The following TEAD1 variants were observed in gnomAD, a reference collection of about 807,000 sequenced individuals.
TEAD1 encodes the protein transcriptional enhancer factor TEF-1.
TEAD1 carries 9 observed loss-of-function variants against 54.9 expected under a neutral mutation model. The ratio of observed to expected loss-of-function variants is 0.16; its 90% CI spans 0.10 to 0.29. TEAD1 has a LOEUF of 0.29. TEAD1 is among the 10% of genes least tolerant of loss of function. The pLI is 1.00. For synonymous variants in TEAD1, 200 were observed against 187.8 expected, an observed-to-expected ratio of 1.07 and a Z score of -0.53; for missense variants, 387 against 535.9, an observed-to-expected ratio of 0.72 and a Z score of 2.74.
At position 12,883,244 on chromosome 11, in the gene TEAD1, T is replaced by C. The variant is rs757802332; in HGVS notation, c.699+119T>C. The C allele has an allele frequency of 3.3e-6, 5 of 1,495,110 alleles. No individual in the cohort carries two copies. The Admixed American group carries it at 6.7e-5, about 20-fold the overall frequency. 92.6% of individuals were successfully genotyped at this position (1,495,110 alleles called of 1,614,324 possible). A position where few individuals can be genotyped will look rare whatever the true frequency, so the allele number is the denominator to read the frequency against. ...CCCCATGCCTGACAAATATCCTGTG[T>C]GAAAACGGGCCTAGGAAAGAATAGC... On this transcript the variant is annotated intron_variant, in intron 9 of 12. Coordinates refer to ENST00000527636, the MANE Select transcript of TEAD1 (RefSeq NM_021961.6).
At position 12,937,128 on chromosome 11, in the gene TEAD1, C is replaced by T. The variant is rs771232356; in HGVS notation, c.1187C>T (p.Thr396Ile). The T allele has an allele frequency of 6.2e-7, 1 of 1,613,520 alleles. No individual in the cohort carries two copies. The highest frequency in any genetic ancestry group is 8.5e-7 in the Non-Finnish European group (1 of 1,179,750). ...TAACAGGTGGTAACAAACAGGGATA[C>T]ACAAGAAACTCTACTCTGCATGGCC... The change falls in exon 13 of 13, where the codon ACA (threonine) becomes ATA (isoleucine). Residue 396 changes from threonine (T) to isoleucine (I), a missense_variant. Transcript: ENST00000527636.
chr11:12,844,045 G>C (rs1947091910), intron 3 of TEAD1, among the ~76,000 whole-genome samples: 1 of 152,050 alleles, frequency 6.6e-6, no homozygotes, highest in South Asian at 2.1e-4. Context: ...ATTTTCTTTG[G>C]AGATTCTTTT....
intron 2 of TEAD1, among the ~76,000 whole-genome samples, chr11:12,725,265 G>A (rs1417079545): frequency 6.6e-6 from 1 of 152,108 alleles, no homozygotes; most frequent in Non-Finnish European, 1.5e-5. Context: ...AAAGGTAGTG[G>A]GGACAAAACC....
In TEAD1 at chr11:12,924,960, G is replaced by A. The variant is rs777579325; in HGVS notation, c.922G>A (p.Val308Ile). The A allele has an allele frequency of 1.9e-6, 3 of 1,614,156 alleles. No homozygotes were observed. The highest frequency in any genetic ancestry group is 2.5e-6 in the Non-Finnish European group (3 of 1,180,022). The change falls in exon 11 of 13, where the codon GTA becomes ATA. Residue 308 changes from valine to isoleucine, a missense_variant. Around this residue, in one of 5 missense-constraint regions of TEAD1, gnomAD observed 123 missense variants for 199.0 expected, o/e 0.62. Coordinates refer to ENST00000527636, the MANE Select transcript of TEAD1 (RefSeq NM_021961.6). ...AGATGATGCTGGGGCTTTTTATGGT[G>A]TAACCAGTCAGTACGAGAGTTCTGA...
At chr11:12,920,186 G>T (rs1425887131) in intron 10 of TEAD1, among the ~76,000 whole-genome samples, 1 of 152,184 alleles carries the variant, frequency 6.6e-6, no homozygotes, top group Non-Finnish European at 1.5e-5. Context: ...AAATGCGTCA[G>T]ATCTGCTAGG....
intron 3 of TEAD1, among the ~76,000 whole-genome samples, chr11:12,780,840 T>C (rs913868429): frequency 3.3e-5 from 5 of 152,206 alleles, no homozygotes; most frequent in Non-Finnish European, 5.9e-5. Context: ...ATGACTTCTT[T>C]GACAAGTTGA....
intron 2 of TEAD1, among the ~76,000 whole-genome samples, chr11:12,682,740 G>A (rs1943248315): frequency 6.6e-6 from 1 of 152,154 alleles, no homozygotes; most frequent in Non-Finnish European, 1.5e-5. Context: ...TTAGGAAAAG[G>A]TGGCTAATGA....
chr11:12,759,214 G>T (rs1365913361), intron 2 of TEAD1, among the ~76,000 whole-genome samples: 1 of 152,140 alleles, frequency 6.6e-6, no homozygotes, highest in Non-Finnish European at 1.5e-5. Context: ...AAATTCCTGT[G>T]TCCTATCTCA....
intron 11 of TEAD1, among the ~76,000 whole-genome samples, chr11:12,929,796 C>A (rs937153147): frequency 1.8e-4 from 27 of 152,108 alleles, no homozygotes; most frequent in Admixed American, 2.6e-4. Context: ...ACCTATGAGG[C>A]TTTATCACAA....
chr11:12,682,861 C>T (rs1943251751), intron 2 of TEAD1, among the ~76,000 whole-genome samples: 3 of 152,156 alleles, frequency 2.0e-5, no homozygotes, highest in Non-Finnish European at 2.9e-5. Context: ...TATGGTATTT[C>T]GTGAGTTCCA....
chr11:12,797,462 C>T (rs553216615), intron 3 of TEAD1, among the ~76,000 whole-genome samples: 5 of 152,236 alleles, frequency 3.3e-5, no homozygotes, highest in South Asian at 2.1e-4. Context: ...GACTTCTTGA[C>T]GTTTGTGCTT....
chr11:12,812,743 C>A (rs1172128151), intron 3 of TEAD1, among the ~76,000 whole-genome samples: 1 of 152,190 alleles, frequency 6.6e-6, no homozygotes, highest in Non-Finnish European at 1.5e-5. Flanking sequence ...AGAATCAGGC[C>A]ATGCATCTTC....
intron 5 of TEAD1, among the ~76,000 whole-genome samples, chr11:12,870,624 G>A (rs900908528): frequency 3.9e-5 from 6 of 152,186 alleles, no homozygotes; most frequent in Non-Finnish European, 8.8e-5. Context: ...GGTGGCTCAC[G>A]CCTGTAATCC....
chr11:12,719,162 C>CCGCTG (rs1037112236), intron 2 of TEAD1, among the ~76,000 whole-genome samples: 6 of 152,114 alleles, frequency 3.9e-5, no homozygotes, highest in African/African-American at 1.4e-4. Flanking sequence ...GCCCCCTCCT[C>CCGCTG]CGCAGCCTGT....
chr11:12,897,295 T>C (rs1042627689), intron 9 of TEAD1, among the ~76,000 whole-genome samples: 2 of 152,212 alleles, frequency 1.3e-5, no homozygotes, highest in Non-Finnish European at 2.9e-5. Flanking sequence ...ATAATCCACC[T>C]TGGCCCACTT....
rs34564715 is a variant in TEAD1 at position 12,783,098 on chromosome 11, T to TTGTGTGTG, written c.202+18693_202+18700dup. Among the ~76,000 whole-genome samples, 1,380 of 139,330 alleles carry TTGTGTGTG rather than the reference T, an allele frequency of 9.9e-3. 26 individuals carry two copies. The highest frequency in any genetic ancestry group is 0.031 in the African/African-American group (1,154 of 36,822). 91.4% of individuals were successfully genotyped at this position (139,330 alleles called of 152,430 possible). A position where few individuals can be genotyped will look rare whatever the true frequency, so the allele number is the denominator to read the frequency against. Reference sequence around the variant, plus strand: ...AGAAGTCACTAAACCAGGTAAGGGTTTGTGTGTGTGTGTGTGTGTGTGTGT... The same window carrying TTGTGTGTG: ...AGAAGTCACTAAACCAGGTAAGGGTTTGTGTGTGTGTGTGTGTGTGTGTGTGTGTGTGT... On this transcript the variant is annotated intron_variant, in intron 3 of 12. Coordinates refer to ENST00000527636, the MANE Select transcript of TEAD1 (RefSeq NM_021961.6).
intron 11 of TEAD1, among the ~76,000 whole-genome samples, chr11:12,927,434 A>ATTTGATTACAGTGGC (rs1176284187): frequency 1.3e-5 from 2 of 152,106 alleles, no homozygotes; most frequent in Admixed American, 1.3e-4. Flanking sequence ...TACCATGTGG[A>ATTTGATTACAGTGGC]TTTGATTACA....
At position 12,879,173 on chromosome 11, in the gene TEAD1, A is replaced by T. The variant is rs558962382; in HGVS notation, c.331-535A>T. ...ACCCCCGCTGCTTCTGAGCCTCTCC[A>T]GCCAGGTGTCTGCAGGGCTTCCAGG... is the stretch of plus-strand genomic sequence containing the variant. On this transcript the variant is annotated intron_variant, in intron 5 of 12. Coordinates refer to ENST00000527636, the MANE Select transcript of TEAD1 (RefSeq NM_021961.6). Among the ~76,000 whole-genome samples the T allele has an allele frequency of 4.6e-5, 7 of 152,224 alleles. No individual in the cohort carries two copies. In the East Asian group the frequency reaches 1.4e-3, roughly 29 times the overall value.
intron 3 of TEAD1, among the ~76,000 whole-genome samples, chr11:12,783,883 G>A (rs1260100697): frequency 1.3e-5 from 2 of 152,116 alleles, no homozygotes; most frequent in African/African-American, 2.4e-5. Flanking sequence ...AAGGATGTTC[G>A]AACAGTAAGA....
Sources: allele counts gnomAD v4.1 joint callset (sites outside exome capture counted in the v4.1 genomes callset), GRCh38; gene constraint gnomAD v4.1.1; regional missense constraint gnomAD v4.1.1; transcripts MANE v1.5; gene names NCBI Gene and HGNC (gene_info 2026-07-23, HGNC 2026-07-21).